The following XIRP2 variants were observed in gnomAD, a reference collection of about 807,000 sequenced individuals.
The protein encoded by XIRP2 is xin actin-binding repeat-containing protein 2.
In XIRP2, 236 loss-of-function variants were observed where a neutral mutation model predicts 277.0. That is an observed-to-expected ratio of 0.85 (90% CI 0.77 to 0.95). XIRP2 has a LOEUF of 0.95. Among genes scored for constraint, XIRP2 ranks in the 40% least tolerant of loss-of-function variants. The pLI, the probability that XIRP2 is intolerant of heterozygous loss-of-function variation, is 0.00. For missense variants in XIRP2, 4,640 were observed against 4,157.5 expected (o/e 1.12, Z -3.19); for synonymous variants, 1,490 against 1,416.5 (o/e 1.05, Z -1.17).
chr2:167,119,145 A>G (rs989327397), intron 2 of XIRP2, among the ~76,000 whole-genome samples: 3 of 152,152 alleles, frequency 2.0e-5, no homozygotes, highest in Non-Finnish European at 4.4e-5. Flanking sequence ...GAAGTAATGA[A>G]GTGGAGACAG....
intron 3 of XIRP2, among the ~76,000 whole-genome samples, chr2:167,183,192 A>G (rs903193300): frequency 1.3e-5 from 2 of 152,192 alleles, no homozygotes; most frequent in Non-Finnish European, 2.9e-5. Context: ...AATATCTTTC[A>G]TTGTAGACTA....
intron 2 of XIRP2, among the ~76,000 whole-genome samples, chr2:167,123,595 T>G (rs59632215): frequency 0.25 from 37,947 of 151,972 alleles, 6,593 homozygotes; most frequent in African/African-American, 0.49. Context: ...GAGCCATAAG[T>G]GAAGAAGCTA....
chr2:167,179,460 A>T (rs1244224238), intron 3 of XIRP2, among the ~76,000 whole-genome samples: 1 of 150,948 alleles, frequency 6.6e-6, no homozygotes, highest in Admixed American at 6.6e-5. Flanking sequence ...AGCTGGGATT[A>T]CAGGGGTGCA....
rs777664053 is a variant in XIRP2, at chr2:167,258,398, A to T, written c.*581A>T. ...TTGTCAGAAAGAGGATGTTATAGGA[A>T]TCAAAGAAATGAAAATGCCTGAAGG... On this transcript the variant is annotated 3_prime_UTR_variant, in exon 11 of 11. Transcript: ENST00000409195. The T allele has an allele frequency of 6.2e-7, 1 of 1,613,326 alleles. No homozygotes were observed. The highest frequency in any genetic ancestry group is 1.3e-5 in the African/African-American group (1 of 74,832).
At chr2:167,127,310 A>C (rs1229432583) in intron 2 of XIRP2, among the ~76,000 whole-genome samples, 1 of 152,190 alleles carries the variant, frequency 6.6e-6, no homozygotes, top group South Asian at 2.1e-4. Flanking sequence ...TGCATCTATC[A>C]TGACGATTTT....
intron 3 of XIRP2, among the ~76,000 whole-genome samples, chr2:167,193,854 G>C (rs1327407727): frequency 7.0e-6 from 1 of 142,346 alleles, no homozygotes; most frequent in Non-Finnish European, 1.5e-5. Flanking sequence ...CTCCAGCCTG[G>C]GTGACACAGT....
At chr2:167,164,445 C>CAAAAA (rs36066566) in intron 3 of XIRP2, among the ~76,000 whole-genome samples, 13 of 46,604 alleles carry the variant, frequency 2.8e-4, no homozygotes, top group East Asian at 7.0e-4. Flanking sequence ...GACTCCGTCT[C>CAAAAA]AAAAAAAAAA....
rs1431396673 is a variant in XIRP2, at chr2:167,243,261, C to T, written c.1869C>T (p.Thr623=). The change falls in exon 9 of 11, where the codon ACC becomes ACT. Residue 623 remains threonine, a synonymous_variant. Transcript: ENST00000409195. The stretch of plus-strand genomic sequence containing the variant: ...AATATACCACATGGATGTTTGAAAC[C>T]CAACCCATCGACACACTTGGGGCTT... ...DVKYTTWMFE[T]QPIDTLGAYS... 6.2e-7 allele frequency: 1 copy of T among 1,613,618 alleles called. No individual in the cohort carries two copies.
At chr2:166,978,155 T>G (rs1489314607) in intron 2 of XIRP2, among the ~76,000 whole-genome samples, 2 of 152,190 alleles carry the variant, frequency 1.3e-5, no homozygotes, top group Non-Finnish European at 2.9e-5. Context: ...CATGTTGCAT[T>G]GGCGCTTTTG....
intron 2 of XIRP2, among the ~76,000 whole-genome samples, chr2:167,053,638 C>T (rs1267811309): frequency 1.3e-5 from 2 of 151,956 alleles, no homozygotes; most frequent in Non-Finnish European, 2.9e-5. Context: ...AAGTTTTGTA[C>T]CCAAAATTCT....
intron 2 of XIRP2, among the ~76,000 whole-genome samples, chr2:166,920,452 A>G (rs915472952): frequency 6.6e-6 from 1 of 152,146 alleles, no homozygotes; most frequent in Admixed American, 6.6e-5. Context: ...GGACAGTGCC[A>G]GAAATCAAAG....
Position 167,224,418 on chromosome 2 carries a change from G to GT in XIRP2, c.858+6128dup, listed in dbSNP as rs1050178961. Among the ~76,000 whole-genome samples, 41 of 146,564 alleles carry GT rather than the reference G, an allele frequency of 2.8e-4. 1 individual carries two copies. The highest frequency in any genetic ancestry group is 3.4e-4 in the Admixed American group (5 of 14,622). On this transcript the variant is annotated intron_variant, in intron 5 of 10. Coordinates refer to ENST00000409195, the MANE Select transcript of XIRP2 (RefSeq NM_152381.6). Reference sequence around the variant, plus strand: ...CCAGCTAATTTTTGTTTTTGTTTTTGTTTTTTTTTTAAGAGATGGGGTTTC... The same window carrying GT: ...CCAGCTAATTTTTGTTTTTGTTTTTGTTTTTTTTTTTAAGAGATGGGGTTTC...
chr2:167,251,605 C>T lies in XIRP2; in HGVS notation c.10213C>T (p.Gln3405Ter). ...ACTGCGAGAAAAGATTCCTGTTAAG[C>T]AGCCCAGGATCTGCTCTGAAACCAG... Reference protein sequence around the residue: ...RELREKIPVKQPRICSETRSL... With the variant: ...RELREKIPVK The change falls in exon 9 of 11, where the codon CAG (glutamine) becomes TAG (stop). Residue 3405 changes from glutamine (Q) to a stop codon, truncating the protein, a stop_gained. Coordinates refer to ENST00000409195, the MANE Select transcript of XIRP2 (RefSeq NM_152381.6). LOFTEE classifies it high-confidence loss of function. 2 of 1,613,514 alleles carry T rather than the reference C, an allele frequency of 1.2e-6. No homozygotes were observed. Among genetic ancestry groups the T allele is most frequent in the South Asian group, 1.1e-5 (1 of 91,062 alleles).
Position 167,241,883 on chromosome 2 carries a change from G to A in XIRP2, c.1149G>A (p.Glu383=), listed in dbSNP as rs1384193272. ...AAAAGATCCTTTATTCTGACAAAGA[G>A]ATGACAACCCCAGCCAAGCAGATTA... The part of the protein sequence containing the change: ...AQEKILYSDK[E]MTTPAKQIKT... The change falls in exon 8 of 11, where the codon GAG becomes GAA. Residue 383 remains glutamate (E), a synonymous_variant. Transcript: ENST00000409195. 6.2e-7 allele frequency: 1 copy of A among 1,613,290 alleles called. No homozygotes were observed. The highest frequency in any genetic ancestry group is 8.5e-7 in the Non-Finnish European group (1 of 1,179,606).
intron 5 of XIRP2, among the ~76,000 whole-genome samples, chr2:167,232,944 A>G (rs1329838828): frequency 1.3e-5 from 2 of 151,926 alleles, no homozygotes; most frequent in Admixed American, 1.3e-4. Flanking sequence ...TGTGTATGAC[A>G]TTATTTTGCA....
intron 2 of XIRP2, among the ~76,000 whole-genome samples, chr2:166,984,948 T>C (rs1686963193): frequency 6.6e-6 from 1 of 152,250 alleles, no homozygotes; most frequent in African/African-American, 2.4e-5. Context: ...GCCTTACCTT[T>C]ACCCACAAAC....
intron 2 of XIRP2, among the ~76,000 whole-genome samples, chr2:167,026,083 G>T (rs903337849): frequency 1.3e-5 from 2 of 152,020 alleles, no homozygotes; most frequent in Admixed American, 6.6e-5. Context: ...TTATTGTGTG[G>T]GAGTCTAAGT....
intron 2 of XIRP2, among the ~76,000 whole-genome samples, chr2:166,970,162 C>T (rs1173431209): frequency 6.6e-6 from 1 of 151,972 alleles, no homozygotes; most frequent in Non-Finnish European, 1.5e-5. Flanking sequence ...GTTTTGCTTG[C>T]TCTATATCCT....
At chr2:166,914,267 G>T (rs1330493567) in intron 2 of XIRP2, among the ~76,000 whole-genome samples, 1 of 152,168 alleles carries the variant, frequency 6.6e-6, no homozygotes, top group African/African-American at 2.4e-5. Context: ...GACACCTGGA[G>T]TTTAACCTGT....
Sources: allele counts gnomAD v4.1 joint callset (sites outside exome capture counted in the v4.1 genomes callset), GRCh38; gene constraint gnomAD v4.1.1; transcripts MANE v1.5; gene names NCBI Gene and HGNC (gene_info 2026-07-23, HGNC 2026-07-21).